SCARA5: variants seen among roughly 807,000 people sequenced by gnomAD.
SCARA5 encodes scavenger receptor class A member 5, also known as scavenger receptor class A, member 5 (putative).
SCARA5 carries 45 observed loss-of-function variants against 46.3 expected under a neutral mutation model. The observed-to-expected ratio is 0.97, with a 90% CI of 0.76 to 1.24. The LOEUF (loss-of-function observed/expected upper bound fraction) is 1.24. SCARA5 is among the 50% of genes most tolerant of loss of function. The pLI is 0.00. For missense variants in SCARA5, 680 were observed against 689.0 expected (o/e 0.99, Z 0.15); for synonymous variants, 333 against 306.5 (o/e 1.09, Z -0.90).
intron 3 of SCARA5, among the ~76,000 whole-genome samples, chr8:27,945,357 T>A (rs1808019941): frequency 1.3e-5 from 2 of 152,156 alleles, no homozygotes; most frequent in African/African-American, 4.8e-5. Flanking sequence ...AACCTTGCTT[T>A]AAAAACTGAT....
At chr8:27,984,157 GATA>G (rs1563202155) in intron 2 of SCARA5, among the ~76,000 whole-genome samples, 1 of 151,950 alleles carries the variant, frequency 6.6e-6, no homozygotes, top group Non-Finnish European at 1.5e-5. Context: ...ACTCCGCAGA[GATA>G]AGGATCAAAG....
intron 3 of SCARA5, 123 bp from the exon 4 acceptor site, chr8:27,922,368 T>C: frequency 3.0e-6 from 2 of 661,680 alleles, no homozygotes; most frequent in Non-Finnish European, 4.9e-6. Flanking sequence ...ACGAATAAAA[T>C]CACAGGTGGT....
At chr8:27,889,046 G>A (rs1281561091) in intron 7 of SCARA5, among the ~76,000 whole-genome samples, 1 of 151,914 alleles carries the variant, frequency 6.6e-6, no homozygotes, top group Non-Finnish European at 1.5e-5. Flanking sequence ...CTGTTGTACT[G>A]AGCCTGCCCT....
intron 3 of SCARA5, among the ~76,000 whole-genome samples, chr8:27,944,895 G>A (rs1297980018): frequency 6.6e-6 from 1 of 152,058 alleles, no homozygotes; most frequent in Non-Finnish European, 1.5e-5. Context: ...GTCAGGCGCT[G>A]TGACTCATGC....
intron 3 of SCARA5, among the ~76,000 whole-genome samples, chr8:27,957,677 TG>T (rs2129916879): frequency 6.6e-6 from 1 of 152,342 alleles, no homozygotes; most frequent in Admixed American, 6.5e-5. Flanking sequence ...TCCCCAGCTG[TG>T]GGGCCGTGGG....
At chr8:27,974,949 G>T (rs1274664568) in intron 2 of SCARA5, among the ~76,000 whole-genome samples, 1 of 152,106 alleles carries the variant, frequency 6.6e-6, no homozygotes, top group Admixed American at 6.5e-5. Context: ...AAAGCTCTTG[G>T]GATTTCCAGA....
intron 2 of SCARA5, among the ~76,000 whole-genome samples, chr8:27,984,309 G>A (rs894462770): frequency 6.6e-6 from 1 of 152,214 alleles, no homozygotes; most frequent in African/African-American, 2.4e-5. Context: ...AAGCTTTGAA[G>A]TCACTGGCTT....
chr8:27,927,453 T>G (rs1807698578), intron 3 of SCARA5, among the ~76,000 whole-genome samples: 2 of 152,262 alleles, frequency 1.3e-5, no homozygotes, highest in African/African-American at 4.8e-5. Context: ...TTTCTAACTC[T>G]GTTCATATGC....
At chr8:27,985,927 C>T (rs1808698981) in intron 2 of SCARA5, among the ~76,000 whole-genome samples, 1 of 152,168 alleles carries the variant, frequency 6.6e-6, no homozygotes, top group Admixed American at 6.5e-5. Context: ...TTTAAAAAAA[C>T]AATCTGGGGT....
At chr8:27,941,985 C>T (rs1807953804) in intron 3 of SCARA5, among the ~76,000 whole-genome samples, 1 of 151,886 alleles carries the variant, frequency 6.6e-6, no homozygotes, top group African/African-American at 2.4e-5. Context: ...CACCTTCACA[C>T]TCTGCTAATT....
chr8:27,871,741 T>G lies in SCARA5; in HGVS notation c.*193A>C. On this transcript the variant is annotated 3_prime_UTR_variant, in exon 9 of 9. Transcript: ENST00000354914. ...GAGAGACGGGCAGTAGGTCCCAGAG[T>G]TATACTTCGGAGCACATGTTCAAGA... 7.0e-7 allele frequency: 1 copy of G among 1,427,824 alleles called. No homozygotes were observed. The highest frequency in any genetic ancestry group is 9.1e-7 in the Non-Finnish European group (1 of 1,093,630). The allele number at this position is 1,427,824 out of a possible 1,614,324, so 88.4% of individuals were successfully genotyped here. A position where few individuals can be genotyped will look rare whatever the true frequency, so the allele number is the denominator to read the frequency against.
intron 3 of SCARA5, among the ~76,000 whole-genome samples, chr8:27,928,920 G>A (rs1361150962): frequency 2.6e-5 from 4 of 152,094 alleles, no homozygotes; most frequent in Non-Finnish European, 5.9e-5. Flanking sequence ...CCAAAGTGCT[G>A]GGATTACAGG....
At chr8:27,918,461 TGG>T (rs35168403) in intron 4 of SCARA5, among the ~76,000 whole-genome samples, 180 of 150,928 alleles carry the variant, frequency 1.2e-3, no homozygotes, top group African/African-American at 4.0e-3. Context: ...CTAGAAAGGT[TGG>T]GGGGGGTTCA....
chr8:27,914,093 T>A (rs1197901949), intron 4 of SCARA5, among the ~76,000 whole-genome samples: 1 of 152,152 alleles, frequency 6.6e-6, no homozygotes, highest in Non-Finnish European at 1.5e-5. Flanking sequence ...CCCTTGCTGT[T>A]CTCGTGATAG....
chr8:27,911,563 G>A (rs1057046720), intron 4 of SCARA5, among the ~76,000 whole-genome samples: 4 of 152,104 alleles, frequency 2.6e-5, no homozygotes, highest in African/African-American at 9.7e-5. Flanking sequence ...ATGGTGGTGG[G>A]CGCCTGTAAT....
intron 7 of SCARA5, among the ~76,000 whole-genome samples, chr8:27,889,247 T>C (rs928121365): frequency 1.3e-5 from 2 of 152,222 alleles, no homozygotes; most frequent in African/African-American, 4.8e-5. Flanking sequence ...AGGATATCAC[T>C]AGGAACAACT....
At chr8:27,976,629 C>T (rs922372054) in intron 2 of SCARA5, among the ~76,000 whole-genome samples, 15 of 152,186 alleles carry the variant, frequency 9.9e-5, no homozygotes, top group African/African-American at 3.6e-4. Context: ...GTCTCACTCT[C>T]CCAATTCCTA....
rs140092420 is a variant in SCARA5, at chr8:27,989,599, G to A, written c.-15-1969C>T. Among the ~76,000 whole-genome samples, 915 of 152,268 alleles carry A rather than the reference G, an allele frequency of 6.0e-3. 13 individuals carry two copies. Among genetic ancestry groups the A allele is most frequent in the African/African-American group, 0.02 (831 of 41,556 alleles). ...CATCCCCCATAACGGGCACACACAC[G>A]CATGTGCACACACACAGCCTTGGGG... On this transcript the variant is annotated intron_variant, in intron 1 of 8. Transcript: ENST00000354914.
intron 5 of SCARA5, among the ~76,000 whole-genome samples, chr8:27,909,290 G>A (rs1198900787): frequency 2.0e-5 from 3 of 152,146 alleles, no homozygotes; most frequent in Admixed American, 1.3e-4. Context: ...GAGGGTGGCA[G>A]GTAGCTAGTG....
Sources: allele counts gnomAD v4.1 joint callset (sites outside exome capture counted in the v4.1 genomes callset), GRCh38; gene constraint gnomAD v4.1.1; transcripts MANE v1.5; gene names NCBI Gene and HGNC (gene_info 2026-07-23, HGNC 2026-07-21).